The following EPS8L2 variants were observed in gnomAD, a reference collection of about 807,000 sequenced individuals.
The protein encoded by EPS8L2 is EPS8 signaling adaptor L2, also known as epidermal growth factor receptor kinase substrate 8-like protein 2.
EPS8L2 carries 81 observed loss-of-function variants against 99.4 expected under a neutral mutation model. The ratio of observed to expected loss-of-function variants is 0.82; its 90% CI spans 0.68 to 0.98. EPS8L2 has a LOEUF of 0.98. EPS8L2 is among the 50% of genes least tolerant of loss of function. EPS8L2 has a pLI of 0.00. For missense variants in EPS8L2, 1,155 were observed against 968.8 expected, an observed-to-expected ratio of 1.19 and a Z score of -2.55; for synonymous variants, 509 against 407.3, an observed-to-expected ratio of 1.25 and a Z score of -3.01.
At chr11:726,589 C>T (rs1862332795) in intron 19 of EPS8L2, 30 bp from the exon 20 acceptor site, 1 of 1,533,952 alleles carries the variant, frequency 6.5e-7, no homozygotes, top group Non-Finnish European at 8.8e-7. Context: ...GCTCACAGCG[C>T]GGCCCTGACG....
rs774279473 is a variant in EPS8L2 at position 726,813 on chromosome 11, C to T, written c.2067+62C>T. ...GCCCCTGCGCCCTCCTCTCCCCCGC[C>T]CGTTCCTGGGGTCGCAGAGCAAGGG... On this transcript the variant is annotated intron_variant, in intron 20 of 20. Coordinates refer to ENST00000318562, the MANE Select transcript of EPS8L2 (RefSeq NM_022772.4). 7.8e-5 allele frequency: 124 copies of T among 1,581,242 alleles called. 1 individual carries two copies. Among genetic ancestry groups the T allele is most frequent in the Non-Finnish European group, 1.0e-4 (118 of 1,164,094 alleles).
chr11:708,401 G>A (rs181696355), intron 1 of EPS8L2, among the ~76,000 whole-genome samples: 17 of 152,310 alleles, frequency 1.1e-4, no homozygotes, highest in Non-Finnish European at 1.5e-4. Flanking sequence ...CAAAATGCTC[G>A]GGGAAGAGGT....
chr11:715,038 C>T (rs539449123), intron 4 of EPS8L2, among the ~76,000 whole-genome samples: 16 of 152,134 alleles, frequency 1.1e-4, no homozygotes, highest in Non-Finnish European at 2.1e-4. Flanking sequence ...GTCAGGAGAT[C>T]AAGACCATTC....
chr11:721,978 C>A lies in EPS8L2; in HGVS notation c.971C>A (p.Ala324Glu). 1 of 1,605,394 alleles carries A rather than the reference C, an allele frequency of 6.2e-7. No homozygotes were observed. Among genetic ancestry groups the A allele is most frequent in the South Asian group, 1.1e-5 (1 of 90,018 alleles). The part of the protein sequence containing the change: ...FIDCFQKIKL[A>E]INLLAKLQKH... ...GACTGCTTCCAGAAAATCAAGCTGG[C>A]GATTAACTTGCTGGTGGGTCCGGTG... is the stretch of plus-strand genomic sequence containing the variant. The change falls in exon 11 of 21, where the codon GCG (alanine) becomes GAG (glutamate). Residue 324 changes from alanine (A) to glutamate (E), a missense_variant. By Grantham distance (107) the Ala-to-Glu change is moderately radical. Transcript: ENST00000318562.
At position 724,726 on chromosome 11, in the gene EPS8L2, G is replaced by A; in HGVS notation, c.1457G>A (p.Gly486Asp). Residue 486 changes from glycine (G) to aspartate (D), a missense_variant and splice_region_variant, in exon 16 of 21, where the codon GGC (glycine) becomes GAC (aspartate). Transcript: ENST00000318562. The surrounding 1 kb of genome is among the most constrained non-coding windows in gnomAD (Gnocchi z 5.5). Reference protein sequence around the residue: ...PPVSSPHTHRGYQPTPAMAKY... With the variant: ...PPVSSPHTHRDYQPTPAMAKY... ...TCAGCCCCTCCTGTTCCTCACAGGG[G>A]CTACCAGCCAACACCAGCCATGGCC... is the stretch of plus-strand genomic sequence containing the variant. 6.2e-7 allele frequency: 1 copy of A among 1,612,604 alleles called. No individual in the cohort carries two copies. Among genetic ancestry groups the A allele is most frequent in the Non-Finnish European group, 8.5e-7 (1 of 1,179,428 alleles).
At chr11:725,917 CGCCCCAAGGCCA>C (rs1862304027) in intron 17 of EPS8L2, 70 bp downstream of exon 17, 1 of 1,380,096 alleles carries the variant, frequency 7.2e-7, no homozygotes, top group Non-Finnish European at 9.4e-7. Flanking sequence ...CGCCTAGCCC[CGCCCCAAGGCCA>C]GCCCCGCGGC....
At chr11:721,747 GGGGACA>G (rs749829101) in intron 10 of EPS8L2, 56 bp downstream of exon 10, 7 of 1,440,838 alleles carry the variant, frequency 4.9e-6, no homozygotes, top group Admixed American at 1.8e-5. Flanking sequence ...AGCAGGTGCA[GGGGACA>G]GGGACGGGGA....
chr11:726,653 C>G lies in EPS8L2; in HGVS notation c.1969C>G (p.Gln657Glu). The G allele has an allele frequency of 6.4e-7, 1 of 1,560,120 alleles. No homozygotes were observed. ...GAACCTGGGCATCCTGACCGGGCCG[C>G]AGCTCTTCTCCCTCAACAAGGAGGA... ...VENLGILTGP[Q>E]LFSLNKEELK... The change falls in exon 20 of 21, where the codon CAG (glutamine) becomes GAG (glutamate). Residue 657 changes from glutamine to glutamate, a missense_variant. By Grantham distance (29) the Gln-to-Glu change is conservative. Coordinates refer to ENST00000318562, the MANE Select transcript of EPS8L2 (RefSeq NM_022772.4).
intron 4 of EPS8L2, among the ~76,000 whole-genome samples, chr11:716,350 G>A (rs532585084): frequency 4.6e-5 from 7 of 151,912 alleles, no homozygotes; most frequent in South Asian, 2.1e-4. Context: ...GGGTTTCACC[G>A]TGTTAGCCAG....
At chr11:709,718 G>T in intron 3 of EPS8L2, 110 bp downstream of exon 3, 2 of 1,326,280 alleles carry the variant, frequency 1.5e-6, no homozygotes, top group Non-Finnish European at 2.1e-6. Flanking sequence ...TGGCCCAGGG[G>T]ATCTCCGGGT....
chr11:722,017 C>T, intron 11 of EPS8L2, 26 bp downstream of exon 11: 1 of 1,607,822 alleles, frequency 6.2e-7, no homozygotes, highest in Admixed American at 1.7e-5. Context: ...CCAGCCCTGC[C>T]CCACTGTCTG....
Position 727,273 on chromosome 11 carries a change from T to G in EPS8L2, c.*292T>G. 1 of 318,728 alleles carries G rather than the reference T, an allele frequency of 3.1e-6. No homozygotes were observed. Among genetic ancestry groups the G allele is most frequent in the East Asian group, 7.3e-5 (1 of 13,620 alleles). 19.7% of individuals were successfully genotyped at this position (318,728 alleles called of 1,614,324 possible). ...TCCCTGGGGCTGGGGCCTCTTTCTC[T>G]GGCCTCCCCTGTGCACCTGGGGGGT... On this transcript the variant is annotated 3_prime_UTR_variant, in exon 21 of 21. Coordinates refer to ENST00000318562, the MANE Select transcript of EPS8L2 (RefSeq NM_022772.4).
In EPS8L2 at chr11:724,352, GC is replaced by G. The variant is rs1243269352; in HGVS notation, c.1455-369del. On this transcript the variant is annotated intron_variant, in intron 15 of 20. Transcript: ENST00000318562. This position sits in a 1 kb window ranked among gnomAD's most constrained non-coding sequence, Gnocchi z 5.5. Reference sequence around the variant, plus strand: ...GGGCCACGGCTCTGAAGACATGCTGGCCCTCACTGGCCAGCTGCGGGGAGCT... The same window carrying G: ...GGGCCACGGCTCTGAAGACATGCTGGCCTCACTGGCCAGCTGCGGGGAGCT... Among the ~76,000 whole-genome samples, 1 of 152,184 alleles carries G rather than the reference GC, an allele frequency of 6.6e-6. No homozygotes were observed. The highest frequency in any genetic ancestry group is 2.4e-5 in the African/African-American group (1 of 41,450).
Position 721,910 on chromosome 11 carries a change from C to A in EPS8L2, c.903C>A (p.Val301=), listed in dbSNP as rs146681576. 1.3e-6 allele frequency: 2 copies of A among 1,589,048 alleles called. No individual in the cohort carries two copies. The highest frequency in any genetic ancestry group is 1.7e-6 in the Non-Finnish European group (2 of 1,168,380). The change falls in exon 11 of 21, where the codon GTC becomes GTA. Residue 301 remains valine (V), a synonymous_variant. Transcript: ENST00000318562. ...KKGKKAPAEG[V]LTLRARPPSE... ...CGGTGCCTCCCATGCCAGAGGGCGT[C>A]CTCACACTGCGGGCACGGCCCCCCT...
At position 720,985 on chromosome 11, in the gene EPS8L2, G is replaced by GGCA. The variant is rs1554952094; in HGVS notation, c.557+77_558-77insCAG. 7.9e-5 allele frequency: 109 copies of GGCA among 1,372,610 alleles called. 1 individual carries two copies. Among genetic ancestry groups the GGCA allele is most frequent in the Non-Finnish European group, 1.0e-4 (105 of 1,018,256 alleles). The allele number at this position is 1,372,610 out of a possible 1,614,324, so 85.0% of individuals were successfully genotyped here. On this transcript the variant is annotated intron_variant, in intron 7 of 20. Transcript: ENST00000318562. ...CGGCAGGGGAGGGGAGGAGCCGGCA[G>GGCA]GGGAGGGGAGGAGCCCGGCAGGGAG...
chr11:715,561 A>G (rs1205815211), intron 4 of EPS8L2, among the ~76,000 whole-genome samples: 1 of 138,562 alleles, frequency 7.2e-6, no homozygotes, highest in Admixed American at 7.1e-5. Flanking sequence ...CCTCCTCTTA[A>G]TTTTCTACCT....
chr11:726,889 T>G lies in EPS8L2; in HGVS notation c.2068-12T>G. On this transcript the variant is annotated splice_polypyrimidine_tract_variant and intron_variant, in intron 20 of 20. Coordinates refer to ENST00000318562, the MANE Select transcript of EPS8L2 (RefSeq NM_022772.4). ...ACCCCCGGCTGAGGATGCCCCCATTTCTCCTCCCTAGAAGCAGCAAAGTGG... is the reference window on the plus strand; with the variant it reads ...ACCCCCGGCTGAGGATGCCCCCATTGCTCCTCCCTAGAAGCAGCAAAGTGG... 6.2e-7 allele frequency: 1 copy of G among 1,610,924 alleles called. No individual in the cohort carries two copies. Among genetic ancestry groups the G allele is most frequent in the South Asian group, 1.1e-5 (1 of 90,506 alleles).
At chr11:726,844 C>T in intron 20 of EPS8L2, 57 bp from the exon 21 acceptor site, 1 of 1,590,136 alleles carries the variant, frequency 6.3e-7, no homozygotes, top group Middle Eastern at 1.7e-4. Context: ...AAGGGGGAGG[C>T]CGGCACCCAG....
intron 15 of EPS8L2, among the ~76,000 whole-genome samples, chr11:723,858 G>A (rs1862253473): frequency 6.6e-6 from 1 of 151,396 alleles, no homozygotes; most frequent in Non-Finnish European, 1.5e-5. Context: ...TCCCTTCTGT[G>A]CTCATTCCTG....
Sources: gnomAD v4.1 joint callset for allele counts (sites outside exome capture counted in the v4.1 genomes callset) on GRCh38, gnomAD v4.1.1 for gene constraint, Gnocchi (gnomAD v3.1) non-coding constraint, MANE v1.5 for transcripts, NCBI Gene and HGNC (gene_info 2026-07-23, HGNC 2026-07-21) for gene names.